Variants in ELL observed in about 807,000 individuals in gnomAD.
ELL encodes the protein elongation factor for RNA polymerase II, also known as RNA polymerase II elongation factor ELL.
A neutral mutation model predicts 64.0 loss-of-function variants in ELL; 18 were observed. The observed-to-expected ratio is 0.28, with a 90% confidence interval of 0.19 to 0.42. ELL has a LOEUF of 0.42. Among genes scored for constraint, ELL ranks in the 10% least tolerant of loss-of-function variants. The pLI, the probability that ELL is intolerant of heterozygous loss-of-function variation, is 1.00. For synonymous variants in ELL, 399 were observed against 376.2 expected (o/e 1.06, Z -0.70); for missense variants, 797 against 870.4 (o/e 0.92, Z 1.06).
chr19:18,496,952 T>C (rs1210366139), intron 1 of ELL, among the ~76,000 whole-genome samples: 1 of 152,232 alleles, frequency 6.6e-6, no homozygotes, highest in African/African-American at 2.4e-5. Flanking sequence ...TCACTGCCGG[T>C]GGACATGCAA....
At chr19:18,519,898 A>T (rs886732817) in intron 1 of ELL, among the ~76,000 whole-genome samples, 1 of 152,112 alleles carries the variant, frequency 6.6e-6, no homozygotes, top group Non-Finnish European at 1.5e-5. Flanking sequence ...TCCAAGTTTG[A>T]ATCACCCCAA....
intron 2 of ELL, among the ~76,000 whole-genome samples, chr19:18,469,192 TGGCGTCCTTCAGGATGCAGG>T (rs1975011230): frequency 6.6e-6 from 1 of 152,094 alleles, no homozygotes; most frequent in Non-Finnish European, 1.5e-5. Flanking sequence ...GCATGGCGGT[TGGCGTCCTTCAGGATGCAGG>T]GGTGAGAAGG....
chr19:18,480,343 C>T (rs1045596634), intron 1 of ELL, among the ~76,000 whole-genome samples: 2 of 152,260 alleles, frequency 1.3e-5, no homozygotes, highest in Non-Finnish European at 2.9e-5. Context: ...CTGAGTGGGG[C>T]TGTCTCCGTG....
At chr19:18,446,515 TGGAAGGACC>T (rs775202177) in intron 9 of ELL, 35 bp from the exon 10 acceptor site, 508 of 1,600,296 alleles carry the variant, frequency 3.2e-4, no homozygotes, top group Non-Finnish European at 4.2e-4. Context: ...GAGTGGAGGC[TGGAAGGACC>T]CAGCCCCACC....
chr19:18,472,909 A>G (rs943830160), intron 1 of ELL, 27 bp from the exon 2 acceptor site: 35 of 1,451,412 alleles, frequency 2.4e-5, no homozygotes, highest in East Asian at 1.9e-4. Context: ...AAAAAAAAAA[A>G]GGTGAGGGGA....
chr19:18,447,886 G>A (rs1974450281), intron 8 of ELL, among the ~76,000 whole-genome samples: 1 of 151,622 alleles, frequency 6.6e-6, no homozygotes, highest in Non-Finnish European at 1.5e-5. Flanking sequence ...CTGGGCTCAA[G>A]TGATCCTCTT....
intron 6 of ELL, among the ~76,000 whole-genome samples, chr19:18,454,822 C>CA (rs1974620511): frequency 3.6e-5 from 3 of 84,136 alleles, no homozygotes; most frequent in Non-Finnish European, 6.9e-5. Context: ...GCCTGGGCAA[C>CA]AGAGTGAGAC....
At position 18,476,535 on chromosome 19, in the gene ELL, G is replaced by A. The variant is rs111404646; in HGVS notation, c.136-3653C>T. ...GCCATCCAGTGAGGCATTTAACCAG[G>A]TTCTGGTAGCTGACTGTCAGGTGGG... On this transcript the variant is annotated intron_variant, in intron 1 of 11. Coordinates refer to ENST00000262809, the MANE Select transcript of ELL (RefSeq NM_006532.4). Among the ~76,000 whole-genome samples the A allele has an allele frequency of 2.5e-3, 381 of 151,672 alleles. 2 individuals are homozygous for A. Among genetic ancestry groups the A allele is most frequent in the Admixed American group, 6.0e-3 (91 of 15,260 alleles).
rs141367392 is a variant in ELL, at chr19:18,454,938, G to C, written c.869+3267C>G. ...CTGAGGCCCTTGAGGTCAGGAGTTT[G>C]AGACAAGCCTGGCCAACATGGTGAA... is the stretch of plus-strand genomic sequence containing the variant. On this transcript the variant is annotated intron_variant, in intron 6 of 11. Coordinates refer to ENST00000262809, the MANE Select transcript of ELL (RefSeq NM_006532.4). 1.7e-3 allele frequency among the ~76,000 whole-genome samples: 257 copies of C among 150,344 alleles called. 1 individual carries two copies. The highest frequency in any genetic ancestry group is 6.0e-3 in the African/African-American group (246 of 40,888).
In ELL at chr19:18,457,391, C is replaced by T. The variant is rs568826750; in HGVS notation, c.869+814G>A. ...AAGACTGTGCCCTCCGCCAGCCTGC[C>T]GCCAAGCCAGGGCAGTGCCCCGCAG... On this transcript the variant is annotated intron_variant, in intron 6 of 11. Transcript: ENST00000262809. Among the ~76,000 whole-genome samples the T allele has an allele frequency of 7.2e-5, 11 of 152,284 alleles. No individual in the cohort carries two copies. In the South Asian group the frequency reaches 1.2e-3, roughly 17 times the overall value.
At chr19:18,492,670 T>G (rs1156851883) in intron 1 of ELL, among the ~76,000 whole-genome samples, 2 of 152,182 alleles carry the variant, frequency 1.3e-5, no homozygotes, top group African/African-American at 4.8e-5. Flanking sequence ...TCTCCTCCTC[T>G]CTGCCAAAGG....
chr19:18,470,054 C>G (rs1347611110), intron 2 of ELL, among the ~76,000 whole-genome samples: 3 of 152,256 alleles, frequency 2.0e-5, no homozygotes, highest in Admixed American at 2.0e-4. Context: ...CGGTGGCTCC[C>G]GCCTATAATC....
chr19:18,492,275 A>T (rs1383815615), intron 1 of ELL, among the ~76,000 whole-genome samples: 1 of 152,216 alleles, frequency 6.6e-6, no homozygotes, highest in Non-Finnish European at 1.5e-5. Flanking sequence ...CTGCTTACAG[A>T]GGTCTCCTGC....
chr19:18,510,631 G>A (rs190911365), intron 1 of ELL, among the ~76,000 whole-genome samples: 1 of 152,122 alleles, frequency 6.6e-6, no homozygotes, highest in Non-Finnish European at 1.5e-5. Context: ...AGCTCTCACA[G>A]GACAGTCACA....
chr19:18,505,606 GA>G (rs1250977812), intron 1 of ELL, among the ~76,000 whole-genome samples: 1 of 152,188 alleles, frequency 6.6e-6, no homozygotes. Flanking sequence ...TCTGTGATGG[GA>G]AAGGGCTAAG....
chr19:18,458,291 C>T lies in ELL; in HGVS notation c.783G>A (p.Leu261=), dbSNP rs1298304594. Residue 261 remains leucine (L), a synonymous_variant, in exon 6 of 12, where the codon CTG becomes CTA. Coordinates refer to ENST00000262809, the MANE Select transcript of ELL (RefSeq NM_006532.4). ...NMSAKDGTCT[L]QDCMYKDVQK... is the part of the protein sequence containing the mutation. ...GCACATCCTTGTACATGCAGTCCTGCAGTGTACACGTGCCGTCCTTAGCAC... is the reference window on the plus strand; with the variant it reads ...GCACATCCTTGTACATGCAGTCCTGTAGTGTACACGTGCCGTCCTTAGCAC... 1 of 1,613,482 alleles carries T rather than the reference C, an allele frequency of 6.2e-7. No individual in the cohort carries two copies. The highest frequency in any genetic ancestry group is 1.1e-5 in the South Asian group (1 of 91,082).
intron 1 of ELL, among the ~76,000 whole-genome samples, chr19:18,484,201 C>G (rs538791845): frequency 2.6e-5 from 4 of 152,218 alleles, no homozygotes; most frequent in African/African-American, 9.7e-5. Context: ...TGGTGGCTCA[C>G]GCCTGTAATC....
At chr19:18,507,702 G>C (rs1446914469) in intron 1 of ELL, among the ~76,000 whole-genome samples, 6 of 152,214 alleles carry the variant, frequency 3.9e-5, no homozygotes, top group African/African-American at 1.4e-4. Context: ...CACTCCTGGA[G>C]GCAGCCGAAC....
intron 1 of ELL, among the ~76,000 whole-genome samples, chr19:18,511,997 A>C (rs931753957): frequency 1.3e-5 from 2 of 152,012 alleles, no homozygotes; most frequent in African/African-American, 4.8e-5. Context: ...TCTACTAAAA[A>C]TACAAAAATT....
Sources: gnomAD v4.1 joint callset for allele counts (sites outside exome capture counted in the v4.1 genomes callset) on GRCh38, gnomAD v4.1.1 for gene constraint, MANE v1.5 for transcripts, NCBI Gene and HGNC (gene_info 2026-07-23, HGNC 2026-07-21) for gene names.